Variants in FGF14 observed in about 807,000 individuals in gnomAD.
FGF14 encodes the protein fibroblast growth factor homologous factor 4.
A neutral mutation model predicts 25.5 loss-of-function variants in FGF14; 5 were observed. That is an observed-to-expected ratio of 0.20 (90% CI 0.10 to 0.41). The LOEUF (loss-of-function observed/expected upper bound fraction) is 0.41, where lower values mean the gene tolerates loss of function less well. Ranked by LOEUF, FGF14 falls within the 10% of genes least tolerant of loss-of-function variation. The pLI, the probability that FGF14 is intolerant of heterozygous loss-of-function variation, is 1.00. For missense variants in FGF14, 222 were observed against 320.1 expected, an observed-to-expected ratio of 0.69 and a Z score of 2.34; for synonymous variants, 138 against 118.3, an observed-to-expected ratio of 1.17 and a Z score of -1.08.
chr13:102,143,418 A>G (rs1489733962), intron 1 of FGF14, among the ~76,000 whole-genome samples: 1 of 152,216 alleles, frequency 6.6e-6, no homozygotes, highest in Non-Finnish European at 1.5e-5. Context: ...ATTAGTACAT[A>G]TAAAACTTCC....
intron 3 of FGF14, among the ~76,000 whole-genome samples, chr13:101,806,141 G>T (rs1414127592): frequency 6.6e-6 from 1 of 151,840 alleles, no homozygotes; most frequent in Non-Finnish European, 1.5e-5. Context: ...GAAAAATATG[G>T]CCGGGAGCAG....
chr13:101,903,122 C>T (rs1951776), intron 1 of FGF14, among the ~76,000 whole-genome samples: 61,627 of 151,872 alleles, frequency 0.41, 14,122 homozygotes, highest in African/African-American at 0.61. Flanking sequence ...CATGCTGTTG[C>T]TGAGGAATAT....
chr13:102,246,893 C>T (rs1326384036), intron 1 of FGF14, among the ~76,000 whole-genome samples: 2 of 151,856 alleles, frequency 1.3e-5, no homozygotes, highest in Non-Finnish European at 2.9e-5. Context: ...AAAACAGACA[C>T]ATAGACCAAT....
At chr13:102,083,113 A>C (rs1053852775) in intron 1 of FGF14, among the ~76,000 whole-genome samples, 19 of 152,120 alleles carry the variant, frequency 1.2e-4, no homozygotes, top group Admixed American at 4.6e-4. Flanking sequence ...ATATCTTTCT[A>C]TCTCTCCACT....
intron 1 of FGF14, among the ~76,000 whole-genome samples, chr13:102,068,061 A>C (rs1011048308): frequency 2.0e-5 from 3 of 152,214 alleles, no homozygotes; most frequent in Non-Finnish European, 2.9e-5. Flanking sequence ...ATCTAGAGAA[A>C]ATATCCTCTG....
chr13:101,788,028 C>T (rs187710971), intron 3 of FGF14, among the ~76,000 whole-genome samples: 13 of 152,220 alleles, frequency 8.5e-5, no homozygotes, highest in South Asian at 2.1e-4. Context: ...TGTGGCACTA[C>T]GCCCAGCTAA....
At chr13:102,348,685 A>G (rs571157938) in intron 1 of FGF14, among the ~76,000 whole-genome samples, 1 of 152,320 alleles carries the variant, frequency 6.6e-6, no homozygotes, top group African/African-American at 2.4e-5. Flanking sequence ...CCACAGTTTG[A>G]AATATAAAAT....
intron 1 of FGF14, among the ~76,000 whole-genome samples, chr13:101,981,899 T>C (rs2038290305): frequency 6.6e-6 from 1 of 152,152 alleles, no homozygotes; most frequent in Admixed American, 6.5e-5. Flanking sequence ...GTGGAAGATA[T>C]TAGGCCAATG....
At chr13:102,076,872 GCATAC>G (rs1210681592) in intron 1 of FGF14, among the ~76,000 whole-genome samples, 2 of 151,988 alleles carry the variant, frequency 1.3e-5, no homozygotes, top group Non-Finnish European at 2.9e-5. Flanking sequence ...TGACTTCAAA[GCATAC>G]CACAGAGCTA....
intron 1 of FGF14, among the ~76,000 whole-genome samples, chr13:101,931,404 C>G (rs566817398): frequency 3.9e-5 from 6 of 152,280 alleles, no homozygotes; most frequent in African/African-American, 1.4e-4. Flanking sequence ...GGCACTTCTT[C>G]AGAATACACA....
intron 3 of FGF14, among the ~76,000 whole-genome samples, chr13:101,735,228 T>G (rs1403146978): frequency 6.6e-6 from 1 of 152,228 alleles, no homozygotes; most frequent in Non-Finnish European, 1.5e-5. Context: ...ATGCATACGC[T>G]TATTGTTTTA....
chr13:101,926,231 C>T (rs1455750960), intron 1 of FGF14, among the ~76,000 whole-genome samples: 1 of 152,212 alleles, frequency 6.6e-6, no homozygotes, highest in African/African-American at 2.4e-5. Flanking sequence ...CAGAATCCTT[C>T]CTAGCCTTTG....
At chr13:101,788,909 TAGAGAGAGAGAGAGAG>T (rs781347440) in intron 3 of FGF14, among the ~76,000 whole-genome samples, 60 of 31,216 alleles carry the variant, frequency 1.9e-3, no homozygotes, top group South Asian at 3.9e-3. Context: ...TATATATATA[TAGAGAGAGAGAGAGAG>T]AGAGAGAGAG....
chr13:102,153,141 C>T (rs2047163194), intron 1 of FGF14, among the ~76,000 whole-genome samples: 1 of 152,200 alleles, frequency 6.6e-6, no homozygotes, highest in African/African-American at 2.4e-5. Flanking sequence ...CTTTTGTAGA[C>T]ATACCTGACA....
intron 1 of FGF14, among the ~76,000 whole-genome samples, chr13:102,100,896 T>C (rs537000655): frequency 6.6e-4 from 101 of 152,176 alleles, no homozygotes; most frequent in Middle Eastern, 3.4e-3. Context: ...GGTCAGGAGT[T>C]TGAGATCAGC....
rs560065946 is a variant in FGF14, at chr13:102,266,538, A to G, written c.208+134933T>C. ...AGAGAAAGAAGCAAAGATCAGATAAATACCGCATTTTATAAAAGAATTGCT... is the reference window on the plus strand; with the variant it reads ...AGAGAAAGAAGCAAAGATCAGATAAGTACCGCATTTTATAAAAGAATTGCT... On this transcript the variant is annotated intron_variant, in intron 1 of 4. Transcript: ENST00000376131. 1.8e-3 allele frequency among the ~76,000 whole-genome samples: 280 copies of G among 152,298 alleles called. 2 individuals are homozygous for G. Among genetic ancestry groups the G allele is most frequent in the African/African-American group, 6.3e-3 (260 of 41,578 alleles).
intron 1 of FGF14, among the ~76,000 whole-genome samples, chr13:101,972,389 A>G (rs2037652538): frequency 6.6e-6 from 1 of 152,198 alleles, no homozygotes; most frequent in Non-Finnish European, 1.5e-5. Context: ...GTTACGTGAG[A>G]ATTGGCGCCT....
chr13:102,000,087 G>A (rs1163908621), intron 1 of FGF14, among the ~76,000 whole-genome samples: 4 of 152,086 alleles, frequency 2.6e-5, no homozygotes, highest in Non-Finnish European at 4.4e-5. Context: ...AGGCCGAGGC[G>A]GGCGGATCAC....
chr13:102,324,592 G>T (rs2056360931), intron 1 of FGF14, among the ~76,000 whole-genome samples: 1 of 152,136 alleles, frequency 6.6e-6, no homozygotes, highest in Non-Finnish European at 1.5e-5. Flanking sequence ...TGACACAGTG[G>T]CTAGAACAGA....
Sources: gnomAD v4.1 joint callset for allele counts (sites outside exome capture counted in the v4.1 genomes callset) on GRCh38, gnomAD v4.1.1 for gene constraint, MANE v1.5 for transcripts, NCBI Gene and HGNC (gene_info 2026-07-23, HGNC 2026-07-21) for gene names.